The following LRMDA variants were observed in gnomAD, a reference collection of about 807,000 sequenced individuals.
LRMDA encodes leucine rich melanocyte differentiation associated, also known as leucine-rich melanocyte differentiation-associated protein.
A neutral mutation model predicts 29.8 loss-of-function variants in LRMDA; 18 were observed. That is an observed-to-expected ratio of 0.60 (90% CI 0.42 to 0.90). LRMDA has a LOEUF of 0.90. Among genes scored for constraint, LRMDA ranks in the 40% least tolerant of loss-of-function variants. The pLI, the probability that LRMDA is intolerant of heterozygous loss-of-function variation, is 0.00. For missense variants in LRMDA, 273 were observed against 273.9 expected (o/e 1.00, Z 0.02); for synonymous variants, 125 against 109.4 (o/e 1.14, Z -0.89).
At chr10:75,821,914 C>G (rs1278494268) in intron 2 of LRMDA, among the ~76,000 whole-genome samples, 1 of 152,146 alleles carries the variant, frequency 6.6e-6, no homozygotes, top group East Asian at 1.9e-4. Flanking sequence ...AGCATTCCTT[C>G]TAAGAACTGG....
chr10:75,770,990 T>C (rs1055437625), intron 2 of LRMDA, among the ~76,000 whole-genome samples: 3 of 152,114 alleles, frequency 2.0e-5, no homozygotes, highest in African/African-American at 7.2e-5. Context: ...TGTAGACGTG[T>C]CCGTGGGGAG....
At chr10:76,333,387 A>G (rs1840927752) in intron 6 of LRMDA, among the ~76,000 whole-genome samples, 1 of 152,228 alleles carries the variant, frequency 6.6e-6, no homozygotes, top group African/African-American at 2.4e-5. Flanking sequence ...AAATTGTTTC[A>G]GTCTTAGAAG....
At chr10:75,625,460 A>C (rs1442500599) in intron 2 of LRMDA, among the ~76,000 whole-genome samples, 1 of 152,174 alleles carries the variant, frequency 6.6e-6, no homozygotes, top group African/African-American at 2.4e-5. Context: ...AGATATTCTC[A>C]AGACTCCAGG....
intron 2 of LRMDA, among the ~76,000 whole-genome samples, chr10:75,944,597 T>C (rs1224091598): frequency 3.2e-4 from 48 of 151,700 alleles, no homozygotes; most frequent in Non-Finnish European, 1.5e-5. Flanking sequence ...TGTTTACTGT[T>C]TCTAAAATCC....
At chr10:76,064,992 C>A (rs1848759990) in intron 5 of LRMDA, among the ~76,000 whole-genome samples, 1 of 151,836 alleles carries the variant, frequency 6.6e-6, no homozygotes, top group African/African-American at 2.4e-5. Flanking sequence ...TTTTCAGTTT[C>A]TTTCTAGTAA....
rs1471756128 is a variant in LRMDA, at chr10:76,064,303, C to T, written c.516+5520C>T. Among the ~76,000 whole-genome samples the T allele has an allele frequency of 3.3e-5, 5 of 152,142 alleles. No individual in the cohort carries two copies. The South Asian group carries it at 1.0e-3, about 32-fold the overall frequency. On this transcript the variant is annotated intron_variant, in intron 5 of 6. Transcript: ENST00000611255. ...GGCTTTTCCACTGGGTAGCATTTCA[C>T]GGGGAGGCAAGGGTGTGATCTGAAG...
intron 2 of LRMDA, among the ~76,000 whole-genome samples, chr10:75,694,789 C>T (rs966981712): frequency 6.6e-6 from 1 of 152,130 alleles, no homozygotes; most frequent in African/African-American, 2.4e-5. Context: ...AATATTGCAA[C>T]CCTGTCTATA....
At chr10:76,455,681 A>G (rs1303876767) in intron 6 of LRMDA, among the ~76,000 whole-genome samples, 1 of 152,216 alleles carries the variant, frequency 6.6e-6, no homozygotes, top group Non-Finnish European at 1.5e-5. Flanking sequence ...CACACCGGTT[A>G]GCAGCAGATG....
At chr10:75,489,644 G>A (rs541465363) in intron 2 of LRMDA, among the ~76,000 whole-genome samples, 1 of 152,278 alleles carries the variant, frequency 6.6e-6, no homozygotes, top group Non-Finnish European at 1.5e-5. Context: ...AGGAAAATAA[G>A]TCTTCCAACT....
At chr10:76,246,548 A>C in intron 5 of LRMDA, among the ~76,000 whole-genome samples, 1 of 108,046 alleles carries the variant, frequency 9.3e-6, no homozygotes, top group Non-Finnish European at 2.2e-5. Context: ...CCAGGGGTGC[A>C]GGGAAAGCCG....
intron 2 of LRMDA, among the ~76,000 whole-genome samples, chr10:75,761,813 T>G (rs1230645782): frequency 6.8e-6 from 1 of 146,346 alleles, no homozygotes; most frequent in Non-Finnish European, 1.5e-5. Context: ...TTTTTGTTTT[T>G]TTTTTTTTGA....
At chr10:76,549,562 T>C (rs939448906) in intron 6 of LRMDA, among the ~76,000 whole-genome samples, 2 of 152,208 alleles carry the variant, frequency 1.3e-5, no homozygotes, top group Non-Finnish European at 2.9e-5. Flanking sequence ...TAATATTTTG[T>C]CTGGCATTTG....
intron 2 of LRMDA, among the ~76,000 whole-genome samples, chr10:75,951,846 G>A (rs1333327620): frequency 6.6e-6 from 1 of 152,168 alleles, no homozygotes; most frequent in Non-Finnish European, 1.5e-5. Context: ...TCTCTGACTT[G>A]AATTTTTCAG....
chr10:75,928,571 A>G (rs1846158699), intron 2 of LRMDA, among the ~76,000 whole-genome samples: 1 of 152,230 alleles, frequency 6.6e-6, no homozygotes, highest in African/African-American at 2.4e-5. Flanking sequence ...TGACATCTAA[A>G]GCATGGTGCA....
At chr10:75,823,234 T>C (rs1247219659) in intron 2 of LRMDA, among the ~76,000 whole-genome samples, 1 of 151,988 alleles carries the variant, frequency 6.6e-6, no homozygotes, top group Non-Finnish European at 1.5e-5. Context: ...AAGGCTAATA[T>C]CCACCATCTA....
At chr10:75,735,659 G>T (rs1842752892) in intron 2 of LRMDA, among the ~76,000 whole-genome samples, 1 of 152,060 alleles carries the variant, frequency 6.6e-6, no homozygotes, top group Non-Finnish European at 1.5e-5. Flanking sequence ...CTCTTCATCA[G>T]CCCAGAGTAC....
chr10:75,854,076 T>A (rs1290870502), intron 2 of LRMDA, among the ~76,000 whole-genome samples: 1 of 152,218 alleles, frequency 6.6e-6, no homozygotes, highest in East Asian at 1.9e-4. Flanking sequence ...TTTAGAGTTG[T>A]GGTTATGTAA....
chr10:76,058,919 A>G (rs772458454), intron 5 of LRMDA, 136 bp downstream of exon 5: 25 of 695,780 alleles, frequency 3.6e-5, no homozygotes, highest in Non-Finnish European at 5.6e-5. Context: ...CCATGGATAC[A>G]TTGTTGGCCA....
intron 2 of LRMDA, among the ~76,000 whole-genome samples, chr10:75,902,385 G>A (rs1479324362): frequency 1.3e-5 from 2 of 152,156 alleles, no homozygotes; most frequent in Admixed American, 1.3e-4. Context: ...TATCCCATAG[G>A]GGTGGGAGGG....
Sources: gnomAD v4.1 joint callset for allele counts (sites outside exome capture counted in the v4.1 genomes callset) on GRCh38, gnomAD v4.1.1 for gene constraint, MANE v1.5 for transcripts, NCBI Gene and HGNC (gene_info 2026-07-23, HGNC 2026-07-21) for gene names.